The following RAB8B variants were observed in gnomAD, a reference collection of about 807,000 sequenced individuals.
RAB8B encodes the protein ras-related protein Rab-8B.
In RAB8B, 11 loss-of-function variants were observed where a neutral mutation model predicts 32.0. That is an observed-to-expected ratio of 0.34 (90% CI 0.22 to 0.57). The LOEUF (loss-of-function observed/expected upper bound fraction) is 0.57, where lower values mean the gene tolerates loss of function less well. Ranked by LOEUF, RAB8B falls within the 20% of genes least tolerant of loss-of-function variation. The pLI is 0.86. For synonymous variants in RAB8B, 103 were observed against 89.6 expected (o/e 1.15, Z -0.85); for missense variants, 190 against 258.5 (o/e 0.73, Z 1.82).
At chr15:63,233,754 G>T (rs545581631) in intron 1 of RAB8B, among the ~76,000 whole-genome samples, 1 of 152,284 alleles carries the variant, frequency 6.6e-6, no homozygotes, top group African/African-American at 2.4e-5. Context: ...CCCATATTCA[G>T]ATAGCCTGGG....
At chr15:63,251,999 A>G (rs1007688783) in intron 3 of RAB8B, among the ~76,000 whole-genome samples, 1 of 152,086 alleles carries the variant, frequency 6.6e-6, no homozygotes, top group Non-Finnish European at 1.5e-5. Flanking sequence ...TAGGCATAGC[A>G]GTGATCCTGA....
At chr15:63,214,587 C>G (rs149237664) in intron 1 of RAB8B, among the ~76,000 whole-genome samples, 41 of 152,236 alleles carry the variant, frequency 2.7e-4, no homozygotes, top group African/African-American at 9.6e-4. Flanking sequence ...AAGCCATCCA[C>G]CACGGCTTCT....
At chr15:63,250,117 T>C (rs2038105215) in intron 3 of RAB8B, among the ~76,000 whole-genome samples, 1 of 152,152 alleles carries the variant, frequency 6.6e-6, no homozygotes, top group Non-Finnish European at 1.5e-5. Flanking sequence ...CAGTCTGGCC[T>C]GGGCAACAGA....
intron 1 of RAB8B, among the ~76,000 whole-genome samples, chr15:63,193,790 G>A (rs367608504): frequency 6.6e-6 from 1 of 151,360 alleles, no homozygotes; most frequent in Non-Finnish European, 1.5e-5. Flanking sequence ...CAGCCTGGGC[G>A]ACAGAGCAAG....
At chr15:63,222,669 C>G (rs1283523692) in intron 1 of RAB8B, among the ~76,000 whole-genome samples, 2 of 152,150 alleles carry the variant, frequency 1.3e-5, no homozygotes, top group Non-Finnish European at 2.9e-5. Context: ...TCCCGAGTAA[C>G]TGGGACTACA....
At chr15:63,246,593 C>T (rs1290911985) in intron 2 of RAB8B, among the ~76,000 whole-genome samples, 1 of 152,170 alleles carries the variant, frequency 6.6e-6, no homozygotes, top group Non-Finnish European at 1.5e-5. Context: ...GAGGGGTCAT[C>T]TACTCTCCAA....
At position 63,259,610 on chromosome 15, in the gene RAB8B, T is replaced by G; in HGVS notation, c.415-17T>G. 1 of 1,606,310 alleles carries G rather than the reference T, an allele frequency of 6.2e-7. No homozygotes were observed. The highest frequency in any genetic ancestry group is 8.5e-7 in the Non-Finnish European group (1 of 1,172,966). ...AGTATCTTTTGCTAAATTTAAATAT[T>G]TCTGTTTACTTTTCAGCTAGCAATT... On this transcript the variant is annotated splice_polypyrimidine_tract_variant and intron_variant, in intron 5 of 7. Transcript: ENST00000321437. The surrounding 1 kb of genome is among the most constrained non-coding windows in gnomAD (Gnocchi z 4.4).
chr15:63,201,200 T>G (rs2037646225), intron 1 of RAB8B, among the ~76,000 whole-genome samples: 1 of 151,962 alleles, frequency 6.6e-6, no homozygotes. Flanking sequence ...CGGGAAAGAG[T>G]TAATGAATAC....
intron 1 of RAB8B, among the ~76,000 whole-genome samples, chr15:63,198,347 G>A (rs1293674446): frequency 6.6e-6 from 1 of 152,070 alleles, no homozygotes; most frequent in African/African-American, 2.4e-5. Flanking sequence ...TTTCCTGGGA[G>A]CTCTCATCTT....
chr15:63,212,537 A>G (rs1016998658), intron 1 of RAB8B, among the ~76,000 whole-genome samples: 1 of 152,234 alleles, frequency 6.6e-6, no homozygotes, highest in African/African-American at 2.4e-5. Flanking sequence ...GATTCAAGGT[A>G]AAAACACAGA....
At position 63,264,637 on chromosome 15, in the gene RAB8B, C is replaced by A. The variant is rs1397939047; in HGVS notation, c.*1018C>A. 1 of 152,154 alleles carries A rather than the reference C, an allele frequency of 6.6e-6. No individual in the cohort carries two copies. The highest frequency in any genetic ancestry group is 1.5e-5 in the Non-Finnish European group (1 of 68,028). 9.4% of individuals were successfully genotyped at this position (152,154 alleles called of 1,614,324 possible). On this transcript the variant is annotated 3_prime_UTR_variant, in exon 8 of 8. Coordinates refer to ENST00000321437, the MANE Select transcript of RAB8B (RefSeq NM_016530.3). ...GGTTTAGATTTTAGTTTGCGGAAAC[C>A]TTCCCTATATAGAGACAGATTAACT...
intron 1 of RAB8B, among the ~76,000 whole-genome samples, chr15:63,223,385 C>A (rs2037860933): frequency 6.6e-6 from 1 of 152,214 alleles, no homozygotes; most frequent in Admixed American, 6.5e-5. Flanking sequence ...GCTGGGATTA[C>A]AGGCATGAGC....
intron 1 of RAB8B, among the ~76,000 whole-genome samples, chr15:63,237,031 A>G (rs746730314): frequency 2.6e-5 from 4 of 152,202 alleles, no homozygotes; most frequent in African/African-American, 4.8e-5. Context: ...TATTTCACTT[A>G]ATATAATGAC....
intron 1 of RAB8B, among the ~76,000 whole-genome samples, chr15:63,227,431 T>C (rs1278127238): frequency 6.8e-6 from 1 of 146,824 alleles, no homozygotes; most frequent in African/African-American, 2.5e-5. Flanking sequence ...TTGTTTTTCG[T>C]GTTAGTAACT....
intron 1 of RAB8B, among the ~76,000 whole-genome samples, chr15:63,228,306 G>A (rs760625858): frequency 6.6e-4 from 100 of 152,122 alleles, no homozygotes; most frequent in Admixed American, 1.8e-3. Context: ...GTGAGCTACC[G>A]AACCCTGCCC....
chr15:63,220,103 C>A (rs1015429512), intron 1 of RAB8B, among the ~76,000 whole-genome samples: 9 of 152,076 alleles, frequency 5.9e-5, no homozygotes, highest in African/African-American at 2.2e-4. Flanking sequence ...CAGTGTTAGC[C>A]CTTATATCAG....
chr15:63,220,450 C>CTT (rs11382862), intron 1 of RAB8B, among the ~76,000 whole-genome samples: 31 of 148,950 alleles, frequency 2.1e-4, no homozygotes, highest in Non-Finnish European at 2.8e-4. Flanking sequence ...TACAGACCAA[C>CTT]TTTTTTTTTT....
chr15:63,224,802 C>T (rs1343313269), intron 1 of RAB8B, among the ~76,000 whole-genome samples: 1 of 152,248 alleles, frequency 6.6e-6, no homozygotes, highest in Admixed American at 6.5e-5. Flanking sequence ...CTCCCAAGTC[C>T]TCCATAATCT....
chr15:63,238,383 A>G (rs1461225915), intron 1 of RAB8B, among the ~76,000 whole-genome samples: 1 of 152,116 alleles, frequency 6.6e-6, no homozygotes, highest in Non-Finnish European at 1.5e-5. Context: ...GGACTCTCCT[A>G]GCAGCTGTGG....
Sources: gnomAD v4.1 joint callset for allele counts (sites outside exome capture counted in the v4.1 genomes callset) on GRCh38, gnomAD v4.1.1 for gene constraint, Gnocchi (gnomAD v3.1) non-coding constraint, MANE v1.5 for transcripts, NCBI Gene and HGNC (gene_info 2026-07-23, HGNC 2026-07-21) for gene names.